The following RAI2 variants were observed in gnomAD, a reference collection of about 807,000 sequenced individuals.
The protein encoded by RAI2 is retinoic acid-induced protein 2.
Under a neutral mutation model 15.3 loss-of-function variants are expected in RAI2, and 5 were observed. The ratio of observed to expected loss-of-function variants is 0.33; its 90% CI spans 0.17 to 0.69. The LOEUF (loss-of-function observed/expected upper bound fraction) is 0.69, where lower values mean the gene tolerates loss of function less well. Among genes scored for constraint, RAI2 ranks in the 30% least tolerant of loss-of-function variants. The pLI is 0.69. For synonymous variants in RAI2, 191 were observed against 184.0 expected, an observed-to-expected ratio of 1.04 and a Z score of -0.31; for missense variants, 424 against 424.7, an observed-to-expected ratio of 1.00 and a Z score of 0.01.
At chrX:17,824,381 G>A (rs2067203910) in intron 1 of RAI2, among the ~76,000 whole-genome samples, 1 of 112,237 alleles carries the variant, frequency 8.9e-6, no homozygotes. Flanking sequence ...AGGCGAGAGA[G>A]GGGCACCCTC....
intron 1 of RAI2, among the ~76,000 whole-genome samples, chrX:17,806,035 T>C (rs1247578921): frequency 8.9e-6 from 1 of 112,059 alleles, no homozygotes; most frequent in Non-Finnish European, 1.9e-5. Context: ...TCTGGGTGCA[T>C]CCAGTGGGAG....
intron 1 of RAI2, among the ~76,000 whole-genome samples, chrX:17,813,828 T>C (rs2147225421): frequency 9.0e-6 from 1 of 111,430 alleles, no homozygotes; most frequent in South Asian, 3.9e-4. Context: ...ATGCAGAAGT[T>C]AGGGCTCTCA....
chrX:17,847,042 A>C (rs1351599128), intron 1 of RAI2, among the ~76,000 whole-genome samples: 1 of 111,768 alleles, frequency 8.9e-6, no homozygotes, highest in East Asian at 2.8e-4. Flanking sequence ...GCTCTTCCTT[A>C]GTCTTCCACC....
At chrX:17,832,626 G>C (rs190632474) in intron 1 of RAI2, among the ~76,000 whole-genome samples, 1 of 112,344 alleles carries the variant, frequency 8.9e-6, no homozygotes, top group African/African-American at 3.2e-5. Flanking sequence ...GTGTCCCTGA[G>C]TCTGCCCAAA....
At chrX:17,842,830 C>G (rs900859736) in intron 1 of RAI2, among the ~76,000 whole-genome samples, 1 of 111,150 alleles carries the variant, frequency 9.0e-6, no homozygotes, top group African/African-American at 3.3e-5. Flanking sequence ...AGATTTACTA[C>G]CAAGGTAAAG....
At chrX:17,857,669 C>T (rs1015138944) in intron 1 of RAI2, among the ~76,000 whole-genome samples, 1 of 110,734 alleles carries the variant, frequency 9.0e-6, no homozygotes, top group African/African-American at 3.3e-5. Context: ...CCCAACCAAA[C>T]GTACAAATCT....
intron 1 of RAI2, among the ~76,000 whole-genome samples, chrX:17,828,097 C>T (rs1168316143): frequency 9.0e-6 from 1 of 111,156 alleles, no homozygotes; most frequent in Admixed American, 9.5e-5. Flanking sequence ...TGCTAAACAT[C>T]CTACAAGCCA....
At chrX:17,860,784 C>A (rs2067678593) in intron 1 of RAI2, 1 of 107,950 alleles carries the variant, frequency 9.3e-6, no homozygotes, top group African/African-American at 3.3e-5. Flanking sequence ...CACTTCGGGG[C>A]CCCCGCCCCG....
In RAI2 at chrX:17,822,099, C is replaced by A. The variant is rs141039773; in HGVS notation, c.-24-20065G>T. Among the ~76,000 whole-genome samples, 15 of 112,061 alleles carry A rather than the reference C, an allele frequency of 1.3e-4. No individual in the cohort carries two copies. The East Asian group carries it at 3.9e-3, about 29-fold the overall frequency. ...AGAAAAACCAAACACATGCTAGTGA[C>A]ATTCTTAGAAATCTGAGTTGGGTGT... is the stretch of plus-strand genomic sequence containing the variant. On this transcript the variant is annotated intron_variant, in intron 1 of 1. Coordinates refer to ENST00000451717, the MANE Select transcript of RAI2 (RefSeq NM_021785.6).
At chrX:17,849,681 G>A (rs2067504526) in intron 1 of RAI2, among the ~76,000 whole-genome samples, 1 of 112,298 alleles carries the variant, frequency 8.9e-6, no homozygotes, top group Admixed American at 9.4e-5. Context: ...GGATGGACCC[G>A]TTCCACTATG....
At position 17,800,278 on chromosome X, in the gene RAI2, CCT is replaced by C. The variant is rs1221342826; in HGVS notation, c.*138_*139del. ...AAGAAAATGATACTAGCATACAGGGCCTCTAGAGCCAATTCACCTTTCCATTT... is the reference window on the plus strand; with the variant it reads ...AAGAAAATGATACTAGCATACAGGGCCTAGAGCCAATTCACCTTTCCATTT... On this transcript the variant is annotated 3_prime_UTR_variant, in exon 2 of 2. Transcript: ENST00000451717. 5.2e-5 allele frequency: 43 copies of C among 827,283 alleles called. No individual in the cohort carries two copies. The highest frequency in any genetic ancestry group is 6.3e-5 in the Non-Finnish European group (38 of 601,699). 68.2% of individuals were successfully genotyped at this position (827,283 alleles called of 1,213,427 possible). A position where few individuals can be genotyped will look rare whatever the true frequency, so the allele number is the denominator to read the frequency against.
chrX:17,826,656 TCCC>T (rs1204047325), intron 1 of RAI2, among the ~76,000 whole-genome samples: 1 of 111,671 alleles, frequency 9.0e-6, no homozygotes, highest in Non-Finnish European at 1.9e-5. Context: ...TGGCTCTGTG[TCCC>T]CACCCAAATC....
chrX:17,823,508 T>C lies in RAI2; in HGVS notation c.-24-21474A>G, dbSNP rs764366673. On this transcript the variant is annotated intron_variant, in intron 1 of 1. Transcript: ENST00000451717. Reference sequence around the variant, plus strand: ...GGCCCACAGTAGGCAAGATGTGCGGTGGAACAGTAACTATCATCAAGTCTA... The same window carrying C: ...GGCCCACAGTAGGCAAGATGTGCGGCGGAACAGTAACTATCATCAAGTCTA... Among the ~76,000 whole-genome samples the C allele has an allele frequency of 8.1e-5, 9 of 111,464 alleles. No individual in the cohort carries two copies. The South Asian group carries it at 3.4e-3, about 43-fold the overall frequency.
At chrX:17,813,426 G>C (rs1269446431) in intron 1 of RAI2, among the ~76,000 whole-genome samples, 1 of 111,495 alleles carries the variant, frequency 9.0e-6, no homozygotes, top group Admixed American at 9.5e-5. Flanking sequence ...ATAAAGCTAT[G>C]GACAAAGAAA....
chrX:17,800,319 C>G lies in RAI2; in HGVS notation c.*99G>C. The G allele has an allele frequency of 9.4e-7, 1 of 1,063,336 alleles. No individual in the cohort carries two copies. The highest frequency in any genetic ancestry group is 3.1e-5 in the East Asian group (1 of 32,532). The allele number at this position is 1,063,336 out of a possible 1,213,427, so 87.6% of individuals were successfully genotyped here. ...ACCTTTCCATTTCCCAACTACTCCCCAAAATAATTAACAAAGATAATTTGT... is the reference window on the plus strand; with the variant it reads ...ACCTTTCCATTTCCCAACTACTCCCGAAAATAATTAACAAAGATAATTTGT... On this transcript the variant is annotated 3_prime_UTR_variant, in exon 2 of 2. Transcript: ENST00000451717.
At chrX:17,825,488 C>T (rs1226401183) in intron 1 of RAI2, among the ~76,000 whole-genome samples, 1 of 112,415 alleles carries the variant, frequency 8.9e-6, no homozygotes, top group Non-Finnish European at 1.9e-5. Flanking sequence ...CCTGCCTGGC[C>T]CATTTATAAA....
chrX:17,801,220 A>G lies in RAI2; in HGVS notation c.791T>C (p.Phe264Ser), dbSNP rs2066904451. Residue 264 changes from phenylalanine (F) to serine (S), a missense_variant, in exon 2 of 2, where the codon TTC becomes TCC. Phe to Ser is a radical substitution (Grantham distance 155). Transcript: ENST00000451717. ...QSSESKFSSSFPKPPSSFGLH... is the reference protein window; with the variant it reads ...QSSESKFSSSSPKPPSSFGLH... ...GCCGAAGGAAGATGGTGGCTTGGGG[A>G]AACTGGAGCTGAACTTGGATTCAGA... The G allele has an allele frequency of 8.3e-7, 1 of 1,210,150 alleles. No individual in the cohort carries two copies. Among genetic ancestry groups the G allele is most frequent in the Non-Finnish European group, 1.1e-6 (1 of 894,784 alleles).
chrX:17,807,452 C>T (rs1272054003), intron 1 of RAI2, among the ~76,000 whole-genome samples: 3 of 112,214 alleles, frequency 2.7e-5, no homozygotes. Context: ...CATCCTCACC[C>T]TCTTGTCGCA....
intron 1 of RAI2, among the ~76,000 whole-genome samples, chrX:17,808,028 G>A (rs749239513): frequency 2.0e-4 from 22 of 112,064 alleles, no homozygotes; most frequent in Middle Eastern, 9.3e-3. Flanking sequence ...CGGCCCAGAC[G>A]GCTTTGAATG....
Sources: gnomAD v4.1 joint callset for allele counts (sites outside exome capture counted in the v4.1 genomes callset) on GRCh38, gnomAD v4.1.1 for gene constraint, MANE v1.5 for transcripts, NCBI Gene and HGNC (gene_info 2026-07-23, HGNC 2026-07-21) for gene names.